Variants in APBA2 observed in about 807,000 individuals in gnomAD.
APBA2 encodes amyloid-beta A4 precursor protein-binding family A member 2.
A neutral mutation model predicts 75.0 loss-of-function variants in APBA2; 30 were observed. The observed-to-expected ratio is 0.40, with a 90% confidence interval of 0.30 to 0.54. APBA2 has a LOEUF of 0.54. Among genes scored for constraint, APBA2 ranks in the 20% least tolerant of loss-of-function variants. The probability of loss-of-function intolerance (pLI) is 0.49; values close to 1 mark genes in which losing one functional copy is unlikely to be tolerated. For synonymous variants in APBA2, 444 were observed against 409.6 expected (o/e 1.08, Z -1.01); for missense variants, 801 against 1,016.1 (o/e 0.79, Z 2.88).
chr15:28,968,296 G>T (rs535806058), intron 2 of APBA2, among the ~76,000 whole-genome samples: 7 of 152,312 alleles, frequency 4.6e-5, no homozygotes, highest in African/African-American at 1.7e-4. Context: ...ATTCTTTTGG[G>T]TGTATACTCA....
At position 29,117,358 on chromosome 15, in the gene APBA2, G is replaced by A. The variant is rs912229417; in HGVS notation, c.*225G>A. ...CAGAACAAATGTTTGTTTGTAAAGC[G>A]TTCCAAGTATTTTGCCACGTTCTGG... On this transcript the variant is annotated 3_prime_UTR_variant, in exon 15 of 15. Transcript: ENST00000683413. 8 of 594,398 alleles carry A rather than the reference G, an allele frequency of 1.3e-5. No homozygotes were observed. The Admixed American group carries it at 2.1e-4, about 15-fold the overall frequency. 36.8% of individuals were successfully genotyped at this position (594,398 alleles called of 1,614,324 possible).
At chr15:28,911,337 A>G (rs2033417479) in intron 1 of APBA2, among the ~76,000 whole-genome samples, 1 of 152,158 alleles carries the variant, frequency 6.6e-6, no homozygotes, top group Admixed American at 6.5e-5. Context: ...AAACTCGGCT[A>G]CCAACCCTGG....
intron 2 of APBA2, among the ~76,000 whole-genome samples, chr15:28,956,971 T>C (rs1052647370): frequency 4.6e-5 from 7 of 152,272 alleles, no homozygotes; most frequent in Non-Finnish European, 7.3e-5. Flanking sequence ...ATCGTTCATC[T>C]GGTGAAGGAT....
intron 1 of APBA2, among the ~76,000 whole-genome samples, chr15:28,916,185 G>A (rs2033682995): frequency 1.3e-5 from 2 of 152,196 alleles, no homozygotes; most frequent in African/African-American, 4.8e-5. Context: ...GCGTGCTTAC[G>A]TCCTGGTCTT....
intron 3 of APBA2, among the ~76,000 whole-genome samples, chr15:29,047,575 A>ATC (rs2041395827): frequency 6.6e-6 from 1 of 152,144 alleles, no homozygotes; most frequent in African/African-American, 2.4e-5. Context: ...GGCCTCCCTG[A>ATC]TCTCCCCCTG....
intron 4 of APBA2, among the ~76,000 whole-genome samples, chr15:29,060,404 G>A (rs920471367): frequency 8.5e-5 from 13 of 152,188 alleles, no homozygotes; most frequent in African/African-American, 3.1e-4. Context: ...TCTGAACAGT[G>A]CATAACACAG....
chr15:29,067,179 A>G (rs906486523), intron 4 of APBA2, among the ~76,000 whole-genome samples: 1 of 152,182 alleles, frequency 6.6e-6, no homozygotes, highest in African/African-American at 2.4e-5. Context: ...TCACCCCATG[A>G]TCCAGACACC....
intron 4 of APBA2, among the ~76,000 whole-genome samples, chr15:29,068,409 C>T (rs1377522443): frequency 6.6e-6 from 1 of 152,230 alleles, no homozygotes; most frequent in Non-Finnish European, 1.5e-5. Context: ...AAATGGAATT[C>T]TCCCTAGTTC....
intron 4 of APBA2, among the ~76,000 whole-genome samples, chr15:29,055,949 C>T (rs142139475): frequency 3.8e-4 from 58 of 152,242 alleles, no homozygotes; most frequent in Middle Eastern, 3.4e-3. Context: ...AGAGTTCACC[C>T]CTAAGGCCAG....
chr15:29,020,823 A>C (rs2039916438), intron 3 of APBA2, among the ~76,000 whole-genome samples: 1 of 152,092 alleles, frequency 6.6e-6, no homozygotes, highest in African/African-American at 2.4e-5. Context: ...AAAACAAAAG[A>C]CAAAACGACC....
At chr15:29,090,812 G>A (rs1439991067) in intron 6 of APBA2, among the ~76,000 whole-genome samples, 1 of 152,158 alleles carries the variant, frequency 6.6e-6, no homozygotes, top group African/African-American at 2.4e-5. Context: ...GGTGGTGTGA[G>A]GTAGTAGAAA....
intron 2 of APBA2, among the ~76,000 whole-genome samples, chr15:28,924,031 C>G (rs1473962214): frequency 1.3e-5 from 2 of 152,186 alleles, no homozygotes; most frequent in Admixed American, 6.5e-5. Context: ...AGCGGTCAAC[C>G]TGGCCACCCT....
intron 2 of APBA2, among the ~76,000 whole-genome samples, chr15:28,964,235 T>C (rs190873181): frequency 5.2e-5 from 8 of 152,382 alleles, no homozygotes; most frequent in African/African-American, 1.9e-4. Context: ...GTTGCCAAAC[T>C]ATTTTCCAGA....
chr15:29,005,585 C>T (rs1250122259), intron 3 of APBA2, among the ~76,000 whole-genome samples: 2 of 152,050 alleles, frequency 1.3e-5, no homozygotes, highest in African/African-American at 2.4e-5. Context: ...AACTGCTGGC[C>T]GGGTGCAGTG....
At chr15:29,031,129 C>T (rs544745457) in intron 3 of APBA2, among the ~76,000 whole-genome samples, 72 of 151,998 alleles carry the variant, frequency 4.7e-4, no homozygotes, top group South Asian at 1.5e-3. Context: ...TTATTTTTAG[C>T]AGTCTTCGTG....
chr15:28,919,092 C>T (rs979620018), intron 1 of APBA2, among the ~76,000 whole-genome samples: 10 of 152,170 alleles, frequency 6.6e-5, no homozygotes, highest in Admixed American at 6.5e-4. Flanking sequence ...AATCTCCTGA[C>T]CTCGTGATCC....
chr15:29,114,797 TGTGTGG>T (rs2044975540), intron 14 of APBA2, among the ~76,000 whole-genome samples: 2 of 149,514 alleles, frequency 1.3e-5, no homozygotes, highest in Non-Finnish European at 3.0e-5. Context: ...GGAGTGTGTG[TGTGTGG>T]GTGAGTGTAT....
intron 2 of APBA2, among the ~76,000 whole-genome samples, chr15:28,993,770 G>C (rs945980971): frequency 6.6e-6 from 1 of 152,196 alleles, no homozygotes; most frequent in Non-Finnish European, 1.5e-5. Flanking sequence ...GGAAGGAGGC[G>C]GTGGGCGATG....
chr15:29,032,420 A>G (rs1169621419), intron 3 of APBA2, among the ~76,000 whole-genome samples: 1 of 152,230 alleles, frequency 6.6e-6, no homozygotes, highest in Non-Finnish European at 1.5e-5. Flanking sequence ...GTGACTCAAG[A>G]CTGGAATGTC....
Sources: gnomAD v4.1 joint callset for allele counts (sites outside exome capture counted in the v4.1 genomes callset) on GRCh38, gnomAD v4.1.1 for gene constraint, MANE v1.5 for transcripts, NCBI Gene and HGNC (gene_info 2026-07-23, HGNC 2026-07-21) for gene names.